The following TLN1 variants were observed in gnomAD, a reference collection of about 807,000 sequenced individuals.
The protein encoded by TLN1 is talin 1, also known as talin-1.
Under a neutral mutation model 292.3 loss-of-function variants are expected in TLN1, and 56 were observed. The ratio of observed to expected loss-of-function variants is 0.19; its 90% confidence interval spans 0.15 to 0.24. The LOEUF (loss-of-function observed/expected upper bound fraction) is 0.24, where lower values mean the gene tolerates loss of function less well. Among genes scored for constraint, TLN1 ranks in the 10% least tolerant of loss-of-function variants. The pLI, the probability that TLN1 is intolerant of heterozygous loss-of-function variation, is 1.00. For synonymous variants in TLN1, 1,119 were observed against 1,253.7 expected, an observed-to-expected ratio of 0.89 and a Z score of 2.27; for missense variants, 2,433 against 3,248.2, an observed-to-expected ratio of 0.75 and a Z score of 6.10.
In TLN1 at chr9:35,704,225, C is replaced by G; in HGVS notation, c.6048-51G>C. On this transcript the variant is annotated intron_variant, in intron 45 of 56. Transcript: ENST00000314888. This position sits in a 1 kb window ranked among gnomAD's most constrained non-coding sequence, Gnocchi z 6.9. ...ATCTCCCCTACCCGCTCCAGCCCGT[C>G]CAAGGTGCCTGGTCCAGGTCTTCCC... The G allele has an allele frequency of 6.4e-7, 1 of 1,569,788 alleles. No homozygotes were observed. The highest frequency in any genetic ancestry group is 8.6e-7 in the Non-Finnish European group (1 of 1,156,320).
chr9:35,718,893 C>T lies in TLN1; in HGVS notation c.1914G>A (p.Leu638=). ...PASAEPRQNL[L]QAAGNVGQAS... is the part of the protein sequence containing the mutation. ...CCTGGCCCACGTTCCCAGCTGCTTGCAGCAGGTTCTGACGGGGCTGTGGAG... is the reference window on the plus strand; with the variant it reads ...CCTGGCCCACGTTCCCAGCTGCTTGTAGCAGGTTCTGACGGGGCTGTGGAG... The change falls in exon 17 of 57, where the codon CTG becomes CTA. Residue 638 remains leucine (L), a synonymous_variant. Coordinates refer to ENST00000314888, the MANE Select transcript of TLN1 (RefSeq NM_006289.4). The T allele has an allele frequency of 6.2e-7, 1 of 1,613,102 alleles. No individual in the cohort carries two copies. Among genetic ancestry groups the T allele is most frequent in the Non-Finnish European group, 8.5e-7 (1 of 1,179,514 alleles).
At position 35,714,358 on chromosome 9, in the gene TLN1, C is replaced by A. The variant is rs777095203; in HGVS notation, c.3001G>T (p.Val1001Leu). 6.2e-7 allele frequency: 1 copy of A among 1,611,490 alleles called. No individual in the cohort carries two copies. Residue 1001 changes from valine (V) to leucine (L), a missense_variant, in exon 24 of 57, where the codon GTG (valine) becomes TTG (leucine). Coordinates refer to ENST00000314888, the MANE Select transcript of TLN1 (RefSeq NM_006289.4). This position sits in a 1 kb window ranked among gnomAD's most constrained non-coding sequence, Gnocchi z 4.6. The stretch of plus-strand genomic sequence containing the variant: ...GGCACTGAGGCCTTTGCAGCTGCCA[C>A]CATCTTCCCACCTGGCTGTTGGGGA... Reference protein sequence around the residue: ...QSFLQPGGKMVAAAKASVPTI... With the variant: ...QSFLQPGGKMLAAAKASVPTI...
At chr9:35,728,376 C>A (rs929794530) in intron 1 of TLN1, among the ~76,000 whole-genome samples, 1 of 152,084 alleles carries the variant, frequency 6.6e-6, no homozygotes, top group African/African-American at 2.4e-5. Flanking sequence ...CCTCTGAGTC[C>A]GCAACCGCTG....
In TLN1 at chr9:35,704,068, C is replaced by A. The variant is rs763070231; in HGVS notation, c.6154G>T (p.Val2052Leu). ...TCAGCGAGGCGGGTGATGGTCGCCACGGAGGACTGGGCAGCCTGCGCCAAC... is the reference window on the plus strand; with the variant it reads ...TCAGCGAGGCGGGTGATGGTCGCCAAGGAGGACTGGGCAGCCTGCGCCAAC... ...EKLAQAAQSS[V>L]ATITRLADVV... is the part of the protein sequence containing the mutation. Residue 2052 changes from valine to leucine, a missense_variant, in exon 46 of 57, where the codon GTG (valine) becomes TTG (leucine). Physicochemically the swap from Val to Leu is conservative, Grantham distance 32. Transcript: ENST00000314888. This position sits in a 1 kb window ranked among gnomAD's most constrained non-coding sequence, Gnocchi z 6.9. 4 of 1,613,860 alleles carry A rather than the reference C, an allele frequency of 2.5e-6. No homozygotes were observed. The South Asian group carries it at 3.3e-5, about 13-fold the overall frequency.
At position 35,714,622 on chromosome 9, in the gene TLN1, G is replaced by C. The variant is rs756617846; in HGVS notation, c.2937C>G (p.Ser979Arg). ...CAATGAGGGCAAGCTGAGCGCTGGG[G>C]CTGTCAGGCTGGGCTTGGCTTCCTC... ...GVRGSQAQPDSPSAQLALIAA... is the reference protein window; with the variant it reads ...GVRGSQAQPDRPSAQLALIAA... The change falls in exon 23 of 57, where the codon AGC (serine) becomes AGG (arginine). Residue 979 changes from serine (S) to arginine (R), a missense_variant. Transcript: ENST00000314888. This position sits in a 1 kb window ranked among gnomAD's most constrained non-coding sequence, Gnocchi z 4.6. The C allele has an allele frequency of 6.2e-7, 1 of 1,613,332 alleles. No homozygotes were observed. Among genetic ancestry groups the C allele is most frequent in the Admixed American group, 1.7e-5 (1 of 60,022 alleles).
Position 35,697,621 on chromosome 9 carries a change from G to A in TLN1, c.*170C>T, listed in dbSNP as rs1460868090. ...AGGGCATGAAGGCACTTGGGGTTGG[G>A]GAGGGGACAGGGGATGTACTGCGGG... On this transcript the variant is annotated 3_prime_UTR_variant, in exon 57 of 57. Coordinates refer to ENST00000314888, the MANE Select transcript of TLN1 (RefSeq NM_006289.4). The A allele has an allele frequency of 2.1e-6, 2 of 958,566 alleles. No individual in the cohort carries two copies. Among genetic ancestry groups the A allele is most frequent in the East Asian group, 5.0e-5 (2 of 39,906 alleles). 59.4% of individuals were successfully genotyped at this position (958,566 alleles called of 1,614,324 possible). A position where few individuals can be genotyped will look rare whatever the true frequency, so the allele number is the denominator to read the frequency against.
In TLN1 at chr9:35,714,898, G is replaced by A; in HGVS notation, c.2755-22C>T. ...CATGCTGTGAAGACAAGAGTAGTCA[G>A]ACCAAGCCCATGGATTCCCATGCCC... On this transcript the variant is annotated intron_variant, in intron 21 of 56. Coordinates refer to ENST00000314888, the MANE Select transcript of TLN1 (RefSeq NM_006289.4). This position sits in a 1 kb window ranked among gnomAD's most constrained non-coding sequence, Gnocchi z 4.6. 6.3e-7 allele frequency: 1 copy of A among 1,591,692 alleles called. No homozygotes were observed. Among genetic ancestry groups the A allele is most frequent in the Non-Finnish European group, 8.6e-7 (1 of 1,169,012 alleles).
chr9:35,706,372 G>A lies in TLN1; in HGVS notation c.5191-6C>T. 6.2e-7 allele frequency: 1 copy of A among 1,609,954 alleles called. No individual in the cohort carries two copies. Among genetic ancestry groups the A allele is most frequent in the East Asian group, 2.2e-5 (1 of 44,834 alleles). On this transcript the variant is annotated splice_region_variant and splice_polypyrimidine_tract_variant and intron_variant, in intron 39 of 56. Coordinates refer to ENST00000314888, the MANE Select transcript of TLN1 (RefSeq NM_006289.4). This position sits in a 1 kb window ranked among gnomAD's most constrained non-coding sequence, Gnocchi z 4.2. The stretch of plus-strand genomic sequence containing the variant: ...TACTGCGCCATCTGGGACACCTGAG[G>A]CAAGGGGTTGGACTAGGGGTCAGGT...
rs778350293 is a variant in TLN1 at position 35,712,019 on chromosome 9, G to A, written c.3667C>T (p.Leu1223Phe). 3.5e-5 allele frequency: 57 copies of A among 1,614,018 alleles called. No homozygotes were observed. In the South Asian group the frequency reaches 6.0e-4, roughly 17 times the overall value. The change falls in exon 28 of 57, where the codon CTC (leucine) becomes TTC (phenylalanine). Residue 1223 changes from leucine (L) to phenylalanine (F), a missense_variant. Around this residue, in one of 7 missense-constraint regions of TLN1, gnomAD observed 1,384 missense variants for 1,699.6 expected, o/e 0.81. Coordinates refer to ENST00000314888, the MANE Select transcript of TLN1 (RefSeq NM_006289.4). The part of the protein sequence containing the change: ...LRAVGDASKR[L>F]LSDSLPPSTG... ...CGTCCTCCTACCGAGTCACTCAGGA[G>A]TCGCTTGCTGGCATCTCCAACTGCC...
At position 35,723,566 on chromosome 9, in the gene TLN1, C is replaced by G. The variant is rs1465653662; in HGVS notation, c.782+386G>C. 5 of 229,672 alleles carry G rather than the reference C, an allele frequency of 2.2e-5. No homozygotes were observed. In the South Asian group the frequency reaches 2.5e-4, roughly 12 times the overall value. The allele number at this position is 229,672 out of a possible 1,614,324, so 14.2% of individuals were successfully genotyped here. A position where few individuals can be genotyped will look rare whatever the true frequency, so the allele number is the denominator to read the frequency against. ...GAAGGATGAACATGCACTTAGGAAG[C>G]TGAGAAAGCCACGCCAAACTCTGCA... On this transcript the variant is annotated intron_variant, in intron 7 of 56. Transcript: ENST00000314888.
In TLN1 at chr9:35,719,052, AC is replaced by A. The variant is rs766050907; in HGVS notation, c.1896+21del. 3.7e-6 allele frequency: 6 copies of A among 1,606,258 alleles called. No homozygotes were observed. The South Asian group carries it at 5.5e-5, about 15-fold the overall frequency. On this transcript the variant is annotated intron_variant, in intron 16 of 56. Transcript: ENST00000314888. This position sits in a 1 kb window ranked among gnomAD's most constrained non-coding sequence, Gnocchi z 4.6. ...GGGCTTGAACCCTGTCTCCACCCTA[AC>A]CCAAACCTGTGGCCCCTGACCTCAG...
rs1403873435 is a variant in TLN1, at chr9:35,724,227, G to A, written c.619C>T (p.Arg207Trp). ...FFYSDQNVDSRDPVQLNLLYV... is the reference protein window; with the variant it reads ...FFYSDQNVDSWDPVQLNLLYV... ...AGGAGGTTCAGCTGTACAGGGTCCC[G>A]GGAATCCACATTCTGGTCTGAGTAA... Residue 207 changes from arginine to tryptophan, a missense_variant, in exon 6 of 57, where the codon CGG becomes TGG. Arg to Trp is a moderately radical substitution (Grantham distance 101, BLOSUM62 -3). Transcript: ENST00000314888. This position sits in a 1 kb window ranked among gnomAD's most constrained non-coding sequence, Gnocchi z 4.7. The A allele has an allele frequency of 1.9e-6, 3 of 1,614,090 alleles. No homozygotes were observed. The highest frequency in any genetic ancestry group is 1.3e-5 in the African/African-American group (1 of 74,968).
chr9:35,716,068 A>G (rs976625349), intron 20 of TLN1, among the ~76,000 whole-genome samples: 5 of 152,010 alleles, frequency 3.3e-5, no homozygotes, highest in Non-Finnish European at 5.9e-5. Flanking sequence ...TTAAAAAATA[A>G]TTTTAGGCCA....
intron 34 of TLN1, chr9:35,708,105 T>C: frequency 4.2e-6 from 3 of 716,548 alleles, no homozygotes; most frequent in Non-Finnish European, 4.5e-6. Flanking sequence ...GGAGAAACCA[T>C]AAGAGGGCAT....
rs769049864 is a variant in TLN1, at chr9:35,711,657, G to T, written c.3817C>A (p.Arg1273=). ...TPQDLARASG[R]FGQDFSTFLE... is the part of the protein sequence containing the mutation. ...AAGGTGCTGAAGTCCTGTCCAAATC[G>T]GCCTGAGGCTCGAGCCAGGTCCTGA... The change falls in exon 29 of 57, where the codon CGA becomes AGA. Residue 1273 remains arginine (R), a synonymous_variant. Transcript: ENST00000314888. 1.2e-6 allele frequency: 2 copies of T among 1,614,120 alleles called. No homozygotes were observed. The highest frequency in any genetic ancestry group is 1.7e-6 in the Non-Finnish European group (2 of 1,180,028).
rs1248334205 is a variant in TLN1 at position 35,719,884 on chromosome 9, G to C, written c.1465-31C>G. ...GACAAGTGGGGAGAAACAGGGACTG[G>C]AATGGATGTTTGGAGAAAAGAGAAG... On this transcript the variant is annotated intron_variant, in intron 13 of 56. Transcript: ENST00000314888. The surrounding 1 kb of genome is among the most constrained non-coding windows in gnomAD (Gnocchi z 4.6). 17 of 1,569,820 alleles carry C rather than the reference G, an allele frequency of 1.1e-5. No homozygotes were observed. The highest frequency in any genetic ancestry group is 1.5e-5 in the Non-Finnish European group (17 of 1,155,310).
rs1563945581 is a variant in TLN1, at chr9:35,719,494, AC to A, written c.1687+24del. On this transcript the variant is annotated intron_variant, in intron 15 of 56. Transcript: ENST00000314888. The surrounding 1 kb of genome is among the most constrained non-coding windows in gnomAD (Gnocchi z 4.6). ...CTTGCACCCCCTCTCCCCATCACAC[AC>A]CCGGAAGCTAGCATCCGGCCTACCT... is the stretch of plus-strand genomic sequence containing the variant. The A allele has an allele frequency of 6.3e-7, 1 of 1,596,600 alleles. No individual in the cohort carries two copies. The highest frequency in any genetic ancestry group is 8.6e-7 in the Non-Finnish European group (1 of 1,164,898).
chr9:35,723,795 G>T, intron 7 of TLN1, 157 bp downstream of exon 7: 2 of 1,085,670 alleles, frequency 1.8e-6, no homozygotes, highest in Non-Finnish European at 2.7e-6. Context: ...AAGAGACAAT[G>T]GATGATGGCA....
intron 1 of TLN1, among the ~76,000 whole-genome samples, chr9:35,729,876 GGTATGA>G (rs1345124901): frequency 6.6e-6 from 1 of 151,590 alleles, no homozygotes; most frequent in African/African-American, 2.4e-5. Context: ...GGGGAAAAAG[GGTATGA>G]GTATATGATT....
Sources: gnomAD v4.1 joint callset for allele counts (sites outside exome capture counted in the v4.1 genomes callset) on GRCh38, gnomAD v4.1.1 for gene constraint, gnomAD v4.1.1 regional missense constraint, Gnocchi (gnomAD v3.1) non-coding constraint, MANE v1.5 for transcripts, NCBI Gene and HGNC (gene_info 2026-07-23, HGNC 2026-07-21) for gene names.